SLC23A1: variants seen among roughly 807,000 people sequenced by gnomAD.
The protein encoded by SLC23A1 is solute carrier family 23 member 1.
Under a neutral mutation model 62.5 loss-of-function variants are expected in SLC23A1, and 31 were observed. That is an observed-to-expected ratio of 0.50 (90% CI 0.37 to 0.67). The LOEUF (loss-of-function observed/expected upper bound fraction) is 0.67. Ranked by LOEUF, SLC23A1 falls within the 30% of genes least tolerant of loss-of-function variation. SLC23A1 has a pLI of 0.00. For synonymous variants in SLC23A1, 271 were observed against 313.2 expected, an observed-to-expected ratio of 0.87 and a Z score of 1.42; for missense variants, 640 against 782.7, an observed-to-expected ratio of 0.82 and a Z score of 2.18.
chr5:139,382,600 T>C lies in SLC23A1; in HGVS notation c.42A>G (p.Glu14=). 1 of 1,604,102 alleles carries C rather than the reference T, an allele frequency of 6.2e-7. No homozygotes were observed. Among genetic ancestry groups the C allele is most frequent in the Non-Finnish European group, 8.5e-7 (1 of 1,171,606 alleles). ...QEDLEGRTQH[E]TTRDPSTPLP... The stretch of plus-strand genomic sequence containing the variant: ...GCGGGGTCGAGGGGTCCCTGGTGGT[T>C]TCATGCTGGAGGCAGCAGAGATAAG... Residue 14 remains glutamate (E), a synonymous_variant, in exon 2 of 15, where the codon GAA becomes GAG. Coordinates refer to ENST00000348729, the MANE Select transcript of SLC23A1 (RefSeq NM_005847.5).
upstream of SLC23A1, chr5:139,384,570 C>T (rs569763735): frequency 1.6e-6 from 2 of 1,284,168 alleles, no homozygotes. Context: ...TCTGCAACTC[C>T]CCAGCACTTT....
At position 139,379,976 on chromosome 5, in the gene SLC23A1, G is replaced by C; in HGVS notation, c.748C>G (p.Gln250Glu). Residue 250 changes from glutamine (Q) to glutamate (E), a missense_variant, in exon 7 of 15, where the codon CAG becomes GAG. Coordinates refer to ENST00000348729, the MANE Select transcript of SLC23A1 (RefSeq NM_005847.5). This position sits in a 1 kb window ranked among gnomAD's most constrained non-coding sequence, Gnocchi z 4.7. The part of the protein sequence containing the change: ...WGKGLTLLRI[Q>E]IFKMFPIMLA... Reference sequence around the variant, plus strand: ...CTCACAGGAAACATTTTGAAGATCTGGATGCGGAGGAGAGTGAGGCCCTTG... The same window carrying C: ...CTCACAGGAAACATTTTGAAGATCTCGATGCGGAGGAGAGTGAGGCCCTTG... 6.2e-7 allele frequency: 1 copy of C among 1,614,098 alleles called. No homozygotes were observed. The highest frequency in any genetic ancestry group is 8.5e-7 in the Non-Finnish European group (1 of 1,180,012).
chr5:139,368,725 T>C (rs1370810454), intron 14 of SLC23A1: 1 of 1,609,268 alleles, frequency 6.2e-7, no homozygotes, highest in South Asian at 1.1e-5. Flanking sequence ...TATGTACTTA[T>C]TTTCCAGGTC....
intron 13 of SLC23A1, among the ~76,000 whole-genome samples, chr5:139,375,874 C>G (rs370024040): frequency 6.6e-6 from 1 of 152,064 alleles, no homozygotes; most frequent in South Asian, 2.1e-4. Context: ...TGGCTCACAC[C>G]TATAATCCCA....
chr5:139,376,587 C>A (rs1350562922), intron 13 of SLC23A1, among the ~76,000 whole-genome samples: 1 of 152,176 alleles, frequency 6.6e-6, no homozygotes, highest in African/African-American at 2.4e-5. Flanking sequence ...TATCAGAGCA[C>A]CTGGTGACAT....
chr5:139,385,269 G>T (rs1030708733), upstream of SLC23A1, among the ~76,000 whole-genome samples: 1 of 152,234 alleles, frequency 6.6e-6, no homozygotes, highest in African/African-American at 2.4e-5. Flanking sequence ...GAAACTGAAA[G>T]TTCTGGTGCC....
rs772455911 is a variant in SLC23A1 at position 139,380,396 on chromosome 5, G to A, written c.466-7C>T. On this transcript the variant is annotated splice_polypyrimidine_tract_variant and splice_region_variant and intron_variant, in intron 5 of 14. Transcript: ENST00000348729. ...CCATGATTGCACCCTGGACCTGGAAGGGCAAACATCAGCCGTAAGTCACCA... is the reference window on the plus strand; with the variant it reads ...CCATGATTGCACCCTGGACCTGGAAAGGCAAACATCAGCCGTAAGTCACCA... 1.2e-6 allele frequency: 2 copies of A among 1,613,328 alleles called. No individual in the cohort carries two copies. The highest frequency in any genetic ancestry group is 1.7e-6 in the Non-Finnish European group (2 of 1,179,722).
intron 1 of SLC23A1, 50 bp downstream of exon 1, chr5:139,383,168 G>GA: frequency 4.1e-6 from 1 of 242,714 alleles, no homozygotes; most frequent in Non-Finnish European, 6.8e-6. Flanking sequence ...AGGCCCTCCA[G>GA]CCCCCCACCC....
chr5:139,383,986 G>C (rs1013497577), upstream of SLC23A1, among the ~76,000 whole-genome samples: 7 of 152,214 alleles, frequency 4.6e-5, no homozygotes, highest in African/African-American at 1.7e-4. Flanking sequence ...TCTGTGTCAG[G>C]GCACAGATCC....
chr5:139,369,659 T>C (rs1263637186), intron 14 of SLC23A1: 1 of 152,568 alleles, frequency 6.6e-6, no homozygotes, highest in Non-Finnish European at 1.5e-5. Context: ...GTTGAAAATA[T>C]TGTAAAAAAA....
intron 12 of SLC23A1, 151 bp downstream of exon 12, chr5:139,377,824 G>A: frequency 1.4e-6 from 1 of 709,126 alleles, no homozygotes. Context: ...CTTAGTAAAG[G>A]ACAGCTGTGA....
rs190136661 is a variant in SLC23A1 at position 139,380,933 on chromosome 5, G to A, written c.309-47C>T. ...ACAGGGGTGGGGAGGGGCGGGTGGG[G>A]AGGAGGGATAAAGATGCGGGGAGAG... On this transcript the variant is annotated intron_variant, in intron 3 of 14. Coordinates refer to ENST00000348729, the MANE Select transcript of SLC23A1 (RefSeq NM_005847.5). The A allele has an allele frequency of 1.9e-3, 779 of 405,188 alleles. 17 individuals are homozygous for A. In the East Asian group the frequency reaches 0.049, roughly 25 times the overall value. The allele number at this position is 405,188 out of a possible 1,614,324, so 25.1% of individuals were successfully genotyped here.
At position 139,379,936 on chromosome 5, in the gene SLC23A1, G is replaced by T; in HGVS notation, c.768+20C>A. 6.2e-7 allele frequency: 1 copy of T among 1,614,178 alleles called. No individual in the cohort carries two copies. Among genetic ancestry groups the T allele is most frequent in the Admixed American group, 1.7e-5 (1 of 60,026 alleles). Reference sequence around the variant, plus strand: ...AGCCCTGGCCATAGTCCCAGCCCCAGCCGCCTGCCAGGTCCTCACAGGAAA... The same window carrying T: ...AGCCCTGGCCATAGTCCCAGCCCCATCCGCCTGCCAGGTCCTCACAGGAAA... On this transcript the variant is annotated intron_variant, in intron 7 of 14. Transcript: ENST00000348729. The surrounding 1 kb of genome is among the most constrained non-coding windows in gnomAD (Gnocchi z 4.7).
intron 13 of SLC23A1, among the ~76,000 whole-genome samples, chr5:139,376,956 T>C (rs930125596): frequency 1.3e-5 from 2 of 151,972 alleles, no homozygotes; most frequent in Non-Finnish European, 1.5e-5. Context: ...ACCCCATCTC[T>C]ACCAAAAATA....
At chr5:139,384,295 C>G (rs1346147208), upstream of SLC23A1, 1 of 1,169,796 alleles carries the variant, frequency 8.5e-7, no homozygotes, top group African/African-American at 1.6e-5. Context: ...AGGGCTGGGC[C>G]TGAGGTCCCC....
At chr5:139,381,035 G>T in intron 3 of SLC23A1, 149 bp from the exon 4 acceptor site, 1 of 592,444 alleles carries the variant, frequency 1.7e-6, no homozygotes, top group East Asian at 2.8e-5. Context: ...AGGCCCCAGG[G>T]AAGACCATCT....
rs924155644 is a variant in SLC23A1, at chr5:139,378,959, C to T, written c.1073+248G>A. 6.6e-6 allele frequency among the ~76,000 whole-genome samples: 1 copy of T among 152,224 alleles called. No homozygotes were observed. The highest frequency in any genetic ancestry group is 1.5e-5 in the Non-Finnish European group (1 of 68,042). The stretch of plus-strand genomic sequence containing the variant: ...CAAAGATTGCATAAGAATGCACAGT[C>T]AGAGCCGGGCACATGGAGGGCTGTC... On this transcript the variant is annotated intron_variant, in intron 9 of 14. Transcript: ENST00000348729. The surrounding 1 kb of genome is among the most constrained non-coding windows in gnomAD (Gnocchi z 4.5).
intron 3 of SLC23A1, 64 bp from the exon 4 acceptor site, chr5:139,380,950 C>T (rs771038761): frequency 4.5e-5 from 34 of 758,842 alleles, no homozygotes; most frequent in Admixed American, 2.9e-4. Context: ...GATAAAGATG[C>T]GGGGAGAGAT....
chr5:139,371,829 A>G (rs1456407221), intron 14 of SLC23A1, among the ~76,000 whole-genome samples, 158 bp downstream of exon 14: 1 of 152,222 alleles, frequency 6.6e-6, no homozygotes, highest in Non-Finnish European at 1.5e-5. Flanking sequence ...ATTCCACCCA[A>G]AATCCGTATG....
Sources: gnomAD v4.1 joint callset for allele counts (sites outside exome capture counted in the v4.1 genomes callset) on GRCh38, gnomAD v4.1.1 for gene constraint, Gnocchi (gnomAD v3.1) non-coding constraint, MANE v1.5 for transcripts, NCBI Gene and HGNC (gene_info 2026-07-23, HGNC 2026-07-21) for gene names.